EIF4E2: variants seen among roughly 807,000 people sequenced by gnomAD.
The protein encoded by EIF4E2 is eukaryotic translation initiation factor 4E type 2.
EIF4E2 carries 13 observed loss-of-function variants against 34.2 expected under a neutral mutation model. That is an observed-to-expected ratio of 0.38 (90% confidence interval 0.25 to 0.60). The LOEUF (loss-of-function observed/expected upper bound fraction) is 0.60. Ranked by LOEUF, EIF4E2 falls within the 20% of genes least tolerant of loss-of-function variation. EIF4E2 has a pLI of 0.62. For missense variants in EIF4E2, 222 were observed against 315.1 expected (o/e 0.70, Z 2.24); for synonymous variants, 100 against 106.6 (o/e 0.94, Z 0.38).
rs770708405 is a variant in EIF4E2, at chr2:232,566,889, C to T, written c.436C>T (p.Arg146Cys). ...IIRLRKGLAS[R>C]CWENLILAML... ...TCGGCTGCGGAAGGGCTTGGCCTCC[C>T]GTTGCTGGGAGAATCTCATTTTGGC... is the stretch of plus-strand genomic sequence containing the variant. The change falls in exon 5 of 7, where the codon CGT becomes TGT. Residue 146 changes from arginine (R) to cysteine (C), a missense_variant. Arg to Cys is a radical substitution (Grantham distance 180). Around this residue, in one of 3 missense-constraint regions of EIF4E2, gnomAD observed 105 missense variants for 195.1 expected, o/e 0.54. Transcript: ENST00000258416. This position sits in a 1 kb window ranked among gnomAD's most constrained non-coding sequence, Gnocchi z 4.9. 2.5e-6 allele frequency: 4 copies of T among 1,613,628 alleles called. No individual in the cohort carries two copies. Among genetic ancestry groups the T allele is most frequent in the East Asian group, 2.2e-5 (1 of 44,858 alleles).
chr2:232,559,930 A>G (rs922769039), intron 3 of EIF4E2, among the ~76,000 whole-genome samples: 4 of 151,896 alleles, frequency 2.6e-5, no homozygotes, highest in African/African-American at 9.7e-5. Context: ...GGTTAAGACT[A>G]CAGTGAGCCT....
In EIF4E2 at chr2:232,566,826, C is replaced by T; in HGVS notation, c.376-3C>T. The T allele has an allele frequency of 1.2e-6, 2 of 1,613,934 alleles. No individual in the cohort carries two copies. The highest frequency in any genetic ancestry group is 1.3e-5 in the African/African-American group (1 of 75,022). ...AACTTCAGTGCTTTCTGTCTTTTTA[C>T]AGGATGATGCAAATAAAAATGGTGG... On this transcript the variant is annotated splice_polypyrimidine_tract_variant and splice_region_variant and intron_variant, in intron 4 of 6. Transcript: ENST00000258416. The surrounding 1 kb of genome is among the most constrained non-coding windows in gnomAD (Gnocchi z 4.9).
intron 4 of EIF4E2, 101 bp downstream of exon 4, chr2:232,564,452 T>C: frequency 1.7e-6 from 1 of 600,422 alleles, no homozygotes; most frequent in Admixed American, 3.5e-5. Context: ...TTTTATTTTA[T>C]TTTATTTTAT....
In EIF4E2 at chr2:232,557,875, A is replaced by C. The variant is rs538609623; in HGVS notation, c.136-9A>C. 1.4e-4 allele frequency: 228 copies of C among 1,612,602 alleles called. 1 individual carries two copies. The highest frequency in any genetic ancestry group is 5.1e-4 in the East Asian group (23 of 44,868). ...TGCCCAGGACTAACACACCTTCTTT[A>C]CTTCCCAGGCTGTTGTCCCTGGACC... On this transcript the variant is annotated splice_polypyrimidine_tract_variant and intron_variant, in intron 2 of 6. Transcript: ENST00000258416.
At chr2:232,574,239 T>C in intron 6 of EIF4E2, 1 of 1,549,840 alleles carries the variant, frequency 6.5e-7, no homozygotes, top group Non-Finnish European at 8.7e-7. Flanking sequence ...TGTGCTATTG[T>C]GTTTTTTGTC....
chr2:232,569,252 T>G, downstream of EIF4E2: 1 of 1,364,750 alleles, frequency 7.3e-7, no homozygotes, highest in Non-Finnish European at 9.5e-7. Context: ...ATCAAAGATG[T>G]GGCCTTTCGG....
At chr2:232,578,679 T>G (rs1264970822) in intron 6 of EIF4E2, among the ~76,000 whole-genome samples, 1 of 152,034 alleles carries the variant, frequency 6.6e-6, no homozygotes, top group Non-Finnish European at 1.5e-5. Context: ...GTTTATCTGC[T>G]ACAGAGAAAG....
At chr2:232,558,746 T>G (rs1692611476) in intron 3 of EIF4E2, 1 of 152,188 alleles carries the variant, frequency 6.6e-6, no homozygotes, top group South Asian at 2.1e-4. Flanking sequence ...TTTGAAAGTT[T>G]TGTATTTAAG....
intron 3 of EIF4E2, among the ~76,000 whole-genome samples, chr2:232,560,099 G>T (rs1392164879): frequency 1.3e-5 from 2 of 152,170 alleles, no homozygotes; most frequent in Non-Finnish European, 2.9e-5. Context: ...ACACATGGAG[G>T]TGCCTGGAGG....
chr2:232,574,275 G>A, intron 6 of EIF4E2: 2 of 1,550,570 alleles, frequency 1.3e-6, no homozygotes, highest in Non-Finnish European at 1.7e-6. Context: ...CCTGGGAGGA[G>A]TTTCATGGCC....
intron 1 of EIF4E2, among the ~76,000 whole-genome samples, chr2:232,552,961 T>C (rs1202459972): frequency 1.3e-5 from 2 of 152,254 alleles, no homozygotes; most frequent in African/African-American, 4.8e-5. Flanking sequence ...CTCTCTCTAG[T>C]AATCTGCACT....
chr2:232,567,447 T>C (rs1251674722), intron 6 of EIF4E2: 5 of 1,342,308 alleles, frequency 3.7e-6, no homozygotes, highest in Non-Finnish European at 3.8e-6. Flanking sequence ...AGAAACCCAG[T>C]TGTACTACCT....
At chr2:232,578,256 C>G (rs1042052198) in intron 6 of EIF4E2, among the ~76,000 whole-genome samples, 1 of 152,186 alleles carries the variant, frequency 6.6e-6, no homozygotes, top group Admixed American at 6.6e-5. Flanking sequence ...TCTCCTCCCC[C>G]TTTTCACTTT....
intron 6 of EIF4E2, among the ~76,000 whole-genome samples, chr2:232,575,461 A>G (rs1693188696): frequency 6.6e-6 from 1 of 152,240 alleles, no homozygotes; most frequent in African/African-American, 2.4e-5. Flanking sequence ...GATTCTCTTT[A>G]AGATATAGTC....
chr2:232,553,601 G>A (rs917495497), intron 1 of EIF4E2, among the ~76,000 whole-genome samples: 5 of 152,170 alleles, frequency 3.3e-5, no homozygotes, highest in Non-Finnish European at 7.4e-5. Flanking sequence ...TGAGTTTAGG[G>A]AGCACTGATT....
chr2:232,567,485 T>A lies in EIF4E2; in HGVS notation c.665+271T>A, dbSNP rs1277329055. 7 of 1,283,834 alleles carry A rather than the reference T, an allele frequency of 5.5e-6. No individual in the cohort carries two copies. The Admixed American group carries it at 1.2e-4, about 21-fold the overall frequency. 79.5% of individuals were successfully genotyped at this position (1,283,834 alleles called of 1,614,324 possible). Reference sequence around the variant, plus strand: ...GCTTGCTTAATTTCTACAGGCTGTCTTGTCTTTCATATGCTAACCACTATC... The same window carrying A: ...GCTTGCTTAATTTCTACAGGCTGTCATGTCTTTCATATGCTAACCACTATC... On this transcript the variant is annotated intron_variant, in intron 6 of 6. Coordinates refer to ENST00000258416, the MANE Select transcript of EIF4E2 (RefSeq NM_004846.4).
At chr2:232,564,433 A>G (rs1454091607) in intron 4 of EIF4E2, 82 bp downstream of exon 4, 5 of 645,010 alleles carry the variant, frequency 7.8e-6, no homozygotes, top group Non-Finnish European at 1.2e-5. Flanking sequence ...CAAGGTTAAA[A>G]GTATTTTATT....
At position 232,550,712 on chromosome 2, in the gene EIF4E2, C is replaced by A; in HGVS notation, c.-13C>A. The A allele has an allele frequency of 1.3e-6, 2 of 1,583,856 alleles. No homozygotes were observed. Among genetic ancestry groups the A allele is most frequent in the Non-Finnish European group, 1.7e-6 (2 of 1,166,868 alleles). On this transcript the variant is annotated 5_prime_UTR_variant, in exon 1 of 7. Coordinates refer to ENST00000258416, the MANE Select transcript of EIF4E2 (RefSeq NM_004846.4). ...TCACTCCCTGAGGCAGTGGCGACAG[C>A]GGCGGCGAGAGGATGAACAACAAGT... is the stretch of plus-strand genomic sequence containing the variant.
intron 3 of EIF4E2, among the ~76,000 whole-genome samples, chr2:232,559,409 A>G (rs908635411): frequency 2.0e-5 from 3 of 149,456 alleles, no homozygotes; most frequent in African/African-American, 7.5e-5. Context: ...AGTCTTGCAT[A>G]TTACTTTTTT....
Sources: gnomAD v4.1 joint callset for allele counts (sites outside exome capture counted in the v4.1 genomes callset) on GRCh38, gnomAD v4.1.1 for gene constraint, gnomAD v4.1.1 regional missense constraint, Gnocchi (gnomAD v3.1) non-coding constraint, MANE v1.5 for transcripts, NCBI Gene and HGNC (gene_info 2026-07-23, HGNC 2026-07-21) for gene names.